The following MTMR9 variants were observed in gnomAD, a reference collection of about 807,000 sequenced individuals.
The protein encoded by MTMR9 is myotubularin related protein 9.
A neutral mutation model predicts 69.5 loss-of-function variants in MTMR9; 39 were observed. That is an observed-to-expected ratio of 0.56 (90% CI 0.43 to 0.73). The LOEUF is 0.73. MTMR9 is among the 30% of genes least tolerant of loss of function. The probability of loss-of-function intolerance (pLI) is 0.00; values close to 1 mark genes in which losing one functional copy is unlikely to be tolerated. For synonymous variants in MTMR9, 354 were observed against 240.8 expected (o/e 1.47, Z -4.35); for missense variants, 900 against 671.2 (o/e 1.34, Z -3.77).
rs530093140 is a variant in MTMR9 at position 11,322,781 on chromosome 8, G to A, written c.1643G>A (p.Ser548Asn). 1.5e-5 allele frequency: 24 copies of A among 1,613,672 alleles called. No homozygotes were observed. The South Asian group carries it at 2.4e-4, about 16-fold the overall frequency. Residue 548 changes from serine (S) to asparagine (N), a missense_variant, in exon 10 of 10, where the codon AGT becomes AAT. Physicochemically the swap from Ser to Asn is conservative, Grantham distance 46. Coordinates refer to ENST00000221086, the MANE Select transcript of MTMR9 (RefSeq NM_015458.4). ...GAAACAGAGGACGGGATGCAGGAGAGTCCCTGAAAGGTCTCCTCGCACCCT... is the reference window on the plus strand; with the variant it reads ...GAAACAGAGGACGGGATGCAGGAGAATCCCTGAAAGGTCTCCTCGCACCCT... ...ELETEDGMQE[S>N]P is the part of the protein sequence containing the mutation.
intron 1 of MTMR9, among the ~76,000 whole-genome samples, chr8:11,287,759 ATTTAT>A (rs1799217987): frequency 8.0e-6 from 1 of 125,722 alleles, no homozygotes; most frequent in Non-Finnish European, 1.6e-5. Flanking sequence ...TATATTTATT[ATTTAT>A]TTATTATATA....
Position 11,284,946 on chromosome 8 carries a change from C to G in MTMR9, c.58C>G (p.Pro20Ala). 6.2e-7 allele frequency: 1 copy of G among 1,613,934 alleles called. No homozygotes were observed. Among genetic ancestry groups the G allele is most frequent in the African/African-American group, 1.3e-5 (1 of 75,038 alleles). ...PRVDNVVLHR[P>A]FYPAVEGTLC... ...GGTGGACAATGTGGTGCTGCACCGG[C>G]CTTTCTACCCGGCTGTCGAGGGCAC... Residue 20 changes from proline (P) to alanine (A), a missense_variant, in exon 1 of 10, where the codon CCT becomes GCT. Transcript: ENST00000221086.
chr8:11,315,115 C>T, intron 7 of MTMR9, 51 bp downstream of exon 7: 1 of 1,585,754 alleles, frequency 6.3e-7, no homozygotes, highest in Non-Finnish European at 8.6e-7. Context: ...ATGCTGTGAT[C>T]CTGCTTTGTG....
the MTMR9 span, among the ~76,000 whole-genome samples, chr8:11,338,822 A>G: frequency 2.0e-5 from 3 of 152,330 alleles, no homozygotes; most frequent in South Asian, 6.2e-4. Flanking sequence ...CTGCAGCACC[A>G]TGGCAACTTT....
At chr8:11,289,609 C>A (rs953263819) in intron 1 of MTMR9, among the ~76,000 whole-genome samples, 2 of 152,020 alleles carry the variant, frequency 1.3e-5, no homozygotes, top group Non-Finnish European at 2.9e-5. Flanking sequence ...CTAATTTTCA[C>A]TCCCGTTTCC....
At chr8:11,329,806 G>C (rs1243358138), downstream of MTMR9, among the ~76,000 whole-genome samples, 9 of 150,972 alleles carry the variant, frequency 6.0e-5, no homozygotes, top group Admixed American at 2.0e-4. Flanking sequence ...CCCTCTGCCC[G>C]GCTGCCCAGT....
At chr8:11,330,235 G>T (rs573641600), downstream of MTMR9, among the ~76,000 whole-genome samples, 10 of 151,364 alleles carry the variant, frequency 6.6e-5, no homozygotes, top group Non-Finnish European at 5.9e-5. Flanking sequence ...CGCCCCGTCC[G>T]GGAGGGAGGT....
chr8:11,291,726 C>T (rs563452559), intron 1 of MTMR9, among the ~76,000 whole-genome samples: 1 of 151,846 alleles, frequency 6.6e-6, no homozygotes, highest in South Asian at 2.1e-4. Flanking sequence ...ACAAAATTCA[C>T]CTTACAAAAT....
chr8:11,314,437 G>A (rs866296352), intron 6 of MTMR9, among the ~76,000 whole-genome samples: 15 of 152,122 alleles, frequency 9.9e-5, no homozygotes, highest in Middle Eastern at 3.2e-3. Flanking sequence ...TCATTTTCCA[G>A]ATTGAATTAC....
At chr8:11,315,375 A>G (rs528584672) in intron 7 of MTMR9, among the ~76,000 whole-genome samples, 83 of 152,294 alleles carry the variant, frequency 5.4e-4, no homozygotes, top group African/African-American at 1.9e-3. Flanking sequence ...CAAAGACATA[A>G]GCAGTCGGGG....
At chr8:11,337,741 A>G in the MTMR9 span, among the ~76,000 whole-genome samples, 1,329 of 152,346 alleles carry the variant, frequency 8.7e-3, 7 homozygotes, top group Non-Finnish European at 0.013. Flanking sequence ...CACATTTGCC[A>G]TATCTCTCAT....
intron 3 of MTMR9, among the ~76,000 whole-genome samples, chr8:11,303,814 G>T (rs1472138659): frequency 6.6e-6 from 1 of 152,134 alleles, no homozygotes; most frequent in African/African-American, 2.4e-5. Context: ...GATGATAGGT[G>T]TGAACCACTG....
chr8:11,304,522 A>G (rs1490413468), intron 3 of MTMR9, among the ~76,000 whole-genome samples: 5 of 152,212 alleles, frequency 3.3e-5, no homozygotes, highest in Non-Finnish European at 7.3e-5. Flanking sequence ...ATACCGTGTA[A>G]AATAGGGAAC....
At chr8:11,320,732 AAAAGATAAAAAT>A (rs1440693981) in intron 9 of MTMR9, 6 of 152,248 alleles carry the variant, frequency 3.9e-5, no homozygotes, top group African/African-American at 7.2e-5. Context: ...GACTTTCTCA[AAAAGATAAAAAT>A]AAAGATAAAA....
At chr8:11,307,673 A>T (rs1031853098) in intron 5 of MTMR9, among the ~76,000 whole-genome samples, 12 of 152,212 alleles carry the variant, frequency 7.9e-5, no homozygotes, top group African/African-American at 2.4e-4. Flanking sequence ...AGCATTGTAC[A>T]GGGGTTCCCT....
the MTMR9 span, among the ~76,000 whole-genome samples, chr8:11,336,656 A>G: frequency 6.6e-6 from 1 of 152,162 alleles, no homozygotes; most frequent in Non-Finnish European, 1.5e-5. Flanking sequence ...ATACCCTTAA[A>G]GTTATTTGGA....
At chr8:11,313,883 T>C (rs991575715) in intron 6 of MTMR9, among the ~76,000 whole-genome samples, 3 of 152,202 alleles carry the variant, frequency 2.0e-5, no homozygotes, top group Admixed American at 6.5e-5. Context: ...AGACACAAAG[T>C]AAAACATGCT....
chr8:11,287,389 C>G (rs997929039), intron 1 of MTMR9, among the ~76,000 whole-genome samples: 3 of 152,070 alleles, frequency 2.0e-5, no homozygotes, highest in African/African-American at 7.2e-5. Context: ...GAAGAAGAAG[C>G]AGATGAGCCA....
At chr8:11,336,697 C>T in the MTMR9 span, among the ~76,000 whole-genome samples, 1 of 152,180 alleles carries the variant, frequency 6.6e-6, no homozygotes, top group Non-Finnish European at 1.5e-5. Context: ...CAATATTTTT[C>T]TTCCTCTGTG....
Sources: gnomAD v4.1 joint callset for allele counts (sites outside exome capture counted in the v4.1 genomes callset) on GRCh38, gnomAD v4.1.1 for gene constraint, MANE v1.5 for transcripts, NCBI Gene and HGNC (gene_info 2026-07-23, HGNC 2026-07-21) for gene names.